The following NEDD4L variants were observed in gnomAD, a reference collection of about 807,000 sequenced individuals.
NEDD4L encodes the protein NEDD4 like E3 ubiquitin protein ligase, also known as E3 ubiquitin-protein ligase NEDD4-like.
In NEDD4L, 54 loss-of-function variants were observed where a neutral mutation model predicts 148.9. The observed-to-expected ratio is 0.36, with a 90% CI of 0.29 to 0.45. NEDD4L has a LOEUF of 0.45. Ranked by LOEUF, NEDD4L falls within the 20% of genes least tolerant of loss-of-function variation. The pLI, the probability that NEDD4L is intolerant of heterozygous loss-of-function variation, is 1.00. For missense variants in NEDD4L, 856 were observed against 1,233.8 expected (o/e 0.69, Z 4.59); for synonymous variants, 433 against 440.7 (o/e 0.98, Z 0.22).
intron 14 of NEDD4L, among the ~76,000 whole-genome samples, 159 bp from the exon 15 acceptor site, chr18:58,341,519 A>C (rs2055033426): frequency 6.6e-6 from 1 of 151,990 alleles, no homozygotes; most frequent in Non-Finnish European, 1.5e-5. Flanking sequence ...GTGTTTCCCC[A>C]TCCTTTCCCC....
At chr18:58,386,724 C>T (rs532201995) in intron 26 of NEDD4L, among the ~76,000 whole-genome samples, 2 of 152,168 alleles carry the variant, frequency 1.3e-5, no homozygotes, top group African/African-American at 2.4e-5. Flanking sequence ...GCAGAGCTCT[C>T]GTGGGGTGAT....
chr18:58,243,919 C>T (rs1255121418), intron 2 of NEDD4L, among the ~76,000 whole-genome samples: 1 of 152,150 alleles, frequency 6.6e-6, no homozygotes, highest in East Asian at 1.9e-4. Flanking sequence ...TGTTTTGTAG[C>T]TTCCATTCAG....
intron 5 of NEDD4L, 94 bp from the exon 6 acceptor site, chr18:58,315,888 G>A: frequency 9.0e-7 from 1 of 1,112,162 alleles, no homozygotes; most frequent in Non-Finnish European, 1.4e-6. Context: ...CCAGGCCCTG[G>A]ACCTTTGTCT....
intron 1 of NEDD4L, chr18:58,045,521 T>G (rs9949110): frequency 1.8e-5 from 3 of 165,572 alleles, no homozygotes; most frequent in African/African-American, 7.1e-5. Flanking sequence ...TTTACCTTCA[T>G]TCTCTCTTCC....
intron 2 of NEDD4L, among the ~76,000 whole-genome samples, chr18:58,226,917 A>C (rs1376877904): frequency 1.3e-5 from 2 of 152,172 alleles, no homozygotes; most frequent in Non-Finnish European, 2.9e-5. Context: ...TAAAAAAAAA[A>C]ACCTGATCTT....
chr18:58,257,235 C>T (rs1380838679), intron 5 of NEDD4L, among the ~76,000 whole-genome samples: 2 of 152,060 alleles, frequency 1.3e-5, no homozygotes, highest in Admixed American at 1.3e-4. Context: ...TCAGTTTCGT[C>T]TCTTAATAGT....
chr18:58,317,680 T>C (rs1601150982), intron 6 of NEDD4L, among the ~76,000 whole-genome samples: 1 of 152,080 alleles, frequency 6.6e-6, no homozygotes, highest in East Asian at 1.9e-4. Flanking sequence ...TAAAGAATAG[T>C]TTAGCTTTGG....
chr18:58,076,335 A>G (rs1316980508), intron 1 of NEDD4L, among the ~76,000 whole-genome samples: 2 of 152,348 alleles, frequency 1.3e-5, no homozygotes, highest in Non-Finnish European at 1.5e-5. Flanking sequence ...TTCGTAATAC[A>G]TAATAGAACA....
chr18:58,363,877 T>C (rs1385781426), intron 19 of NEDD4L, among the ~76,000 whole-genome samples: 2 of 152,194 alleles, frequency 1.3e-5, no homozygotes, highest in Admixed American at 6.5e-5. Context: ...AATGCCAACG[T>C]AGGTCATTCT....
chr18:58,292,315 G>A, intron 5 of NEDD4L, among the ~76,000 whole-genome samples: 1 of 152,124 alleles, frequency 6.6e-6, no homozygotes, highest in East Asian at 1.9e-4. Flanking sequence ...TCCAAGTAGA[G>A]ATAGATGTCT....
intron 5 of NEDD4L, among the ~76,000 whole-genome samples, chr18:58,302,335 C>T (rs2056585581): frequency 6.6e-6 from 1 of 152,216 alleles, no homozygotes; most frequent in African/African-American, 2.4e-5. Context: ...TTGCATCTTG[C>T]TCCTTATGCT....
intron 2 of NEDD4L, among the ~76,000 whole-genome samples, chr18:58,242,798 G>A (rs2046803900): frequency 1.3e-5 from 2 of 152,166 alleles, no homozygotes; most frequent in Admixed American, 1.3e-4. Flanking sequence ...GAGCCACTGC[G>A]CCTAACCCTC....
chr18:58,047,300 TAA>T (rs1317358483), intron 1 of NEDD4L: 1 of 984,506 alleles, frequency 1.0e-6, no homozygotes, highest in Non-Finnish European at 1.2e-6. Context: ...CCACATTTCT[TAA>T]AAGTAGATTC....
chr18:58,237,498 T>G (rs1384140710), intron 2 of NEDD4L, among the ~76,000 whole-genome samples: 3 of 152,218 alleles, frequency 2.0e-5, no homozygotes, highest in Non-Finnish European at 4.4e-5. Flanking sequence ...TGTCATTTTC[T>G]TTGGTGACTG....
At chr18:58,363,637 A>T (rs2045767571) in intron 19 of NEDD4L, among the ~76,000 whole-genome samples, 1 of 152,218 alleles carries the variant, frequency 6.6e-6, no homozygotes, top group Non-Finnish European at 1.5e-5. Context: ...TGAGCCCTCA[A>T]CTGGGGTACT....
chr18:58,077,649 G>A (rs1599105723), intron 1 of NEDD4L, among the ~76,000 whole-genome samples: 1 of 152,268 alleles, frequency 6.6e-6, no homozygotes, highest in East Asian at 1.9e-4. Flanking sequence ...ACTTTGAAAA[G>A]CTCCCAAGTG....
intron 1 of NEDD4L, among the ~76,000 whole-genome samples, chr18:58,055,883 A>G (rs1414556247): frequency 6.6e-6 from 1 of 152,186 alleles, no homozygotes; most frequent in African/African-American, 2.4e-5. Flanking sequence ...GTCTCCTGTG[A>G]TCAGACTCAA....
At chr18:58,289,387 C>G (rs1288606414) in intron 5 of NEDD4L, among the ~76,000 whole-genome samples, 1 of 152,138 alleles carries the variant, frequency 6.6e-6, no homozygotes, top group Non-Finnish European at 1.5e-5. Flanking sequence ...AGTATATGGC[C>G]TATGAGACAT....
intron 4 of NEDD4L, among the ~76,000 whole-genome samples, chr18:58,250,007 T>C (rs944998612): frequency 2.0e-5 from 3 of 152,232 alleles, no homozygotes; most frequent in Non-Finnish European, 4.4e-5. Flanking sequence ...ACCTCCAAAG[T>C]GTTTAGACTC....
Sources: allele counts gnomAD v4.1 joint callset (sites outside exome capture counted in the v4.1 genomes callset), GRCh38; gene constraint gnomAD v4.1.1; transcripts MANE v1.5; gene names NCBI Gene and HGNC (gene_info 2026-07-23, HGNC 2026-07-21).